The following VWA5B1 variants were observed in gnomAD, a reference collection of about 807,000 sequenced individuals.
VWA5B1 encodes the protein von Willebrand factor A domain-containing protein 5B1.
In VWA5B1, 115 loss-of-function variants were observed where a neutral mutation model predicts 118.2. That is an observed-to-expected ratio of 0.97 (90% CI 0.84 to 1.14). The LOEUF is 1.14. Ranked by LOEUF, VWA5B1 falls within the 50% of genes most tolerant of loss-of-function variation. The pLI, the probability that VWA5B1 is intolerant of heterozygous loss-of-function variation, is 0.00. For missense variants in VWA5B1, 1,596 were observed against 1,603.8 expected (o/e 1.00, Z 0.08); for synonymous variants, 682 against 658.4 (o/e 1.04, Z -0.55).
intron 14 of VWA5B1, among the ~76,000 whole-genome samples, chr1:20,341,125 ACTT>A (rs2089864491): frequency 6.6e-6 from 1 of 152,312 alleles, no homozygotes; most frequent in South Asian, 2.1e-4. Context: ...GAAGAAAGAT[ACTT>A]CTTTATTTTC....
rs1228437514 is a variant in VWA5B1, at chr1:20,343,141, G to GAGTCCCAGGAGCGAGCC, written c.2383_2399dup (p.Ser800ArgfsTer34). 7.1e-6 allele frequency: 11 copies of GAGTCCCAGGAGCGAGCC among 1,546,064 alleles called. No homozygotes were observed. Among genetic ancestry groups the GAGTCCCAGGAGCGAGCC allele is most frequent in the Non-Finnish European group, 8.7e-6 (10 of 1,144,004 alleles). ...GTCCTCGGACTGGGACCCCCCAGCC[G>GAGTCCCAGGAGCGAGCC]AGTCCCAGGAGCGAGCCAGTCCCAG... On this transcript the variant is annotated frameshift_variant, in exon 16 of 22. Transcript: ENST00000289815. LOFTEE classifies it high-confidence loss of function.
chr1:20,357,811 GC>G lies in VWA5B1; in HGVS notation c.*3553del. ...TAGGTACCCTTTGCGCTAACGGCCA[GC>G]CCCCTGAGCTTTCAGGCTCTCATTT... On this transcript the variant is annotated 3_prime_UTR_variant, in exon 22 of 22. Transcript: ENST00000289815. Among the ~76,000 whole-genome samples the G allele has an allele frequency of 6.6e-6, 1 of 152,174 alleles. No homozygotes were observed. Among genetic ancestry groups the G allele is most frequent in the Admixed American group, 6.5e-5 (1 of 15,284 alleles).
intron 16 of VWA5B1, among the ~76,000 whole-genome samples, chr1:20,344,057 C>G (rs1402532661): frequency 1.3e-5 from 2 of 149,366 alleles, no homozygotes; most frequent in African/African-American, 5.0e-5. Context: ...ATCGCCCTTC[C>G]CCTCACACCC....
intron 7 of VWA5B1, 49 bp downstream of exon 7, chr1:20,319,555 G>C (rs137888616): frequency 6.5e-7 from 1 of 1,546,776 alleles, no homozygotes; most frequent in African/African-American, 1.4e-5. Context: ...TTGGGGTGGC[G>C]CTGAGGCCTG....
chr1:20,304,040 T>C (rs930859614), intron 1 of VWA5B1, among the ~76,000 whole-genome samples: 2 of 152,164 alleles, frequency 1.3e-5, no homozygotes, highest in African/African-American at 4.8e-5. Context: ...CACTAGAACC[T>C]GGTAGATGCC....
chr1:20,294,447 C>T (rs542615486), intron 1 of VWA5B1: 1 of 152,090 alleles, frequency 6.6e-6, no homozygotes, highest in Non-Finnish European at 1.5e-5. Flanking sequence ...ATTCCCTTAC[C>T]TGGTGCCTTA....
At chr1:20,332,484 TAAAATAAAATA>T (rs1369734974) in intron 11 of VWA5B1, among the ~76,000 whole-genome samples, 1 of 54,940 alleles carries the variant, frequency 1.8e-5, no homozygotes, top group African/African-American at 1.3e-4. Context: ...TGTCTCAAAA[TAAAATAAAATA>T]AAATAAAATA....
At chr1:20,306,060 G>A (rs971898674) in intron 1 of VWA5B1, among the ~76,000 whole-genome samples, 1 of 152,164 alleles carries the variant, frequency 6.6e-6, no homozygotes, top group South Asian at 2.1e-4. Flanking sequence ...CTTGTGGAAG[G>A]AGGCAGATGA....
At chr1:20,326,686 T>C (rs949407394) in intron 8 of VWA5B1, among the ~76,000 whole-genome samples, 1 of 152,062 alleles carries the variant, frequency 6.6e-6, no homozygotes, top group African/African-American at 2.4e-5. Flanking sequence ...CCTGACCTCA[T>C]GATCTGCCTG....
At chr1:20,333,085 T>C in intron 12 of VWA5B1, 134 bp downstream of exon 12, 1 of 1,145,760 alleles carries the variant, frequency 8.7e-7, no homozygotes, top group Non-Finnish European at 1.2e-6. Flanking sequence ...GTTTACAGTT[T>C]TCCCAGTTGT....
Position 20,317,537 on chromosome 1 carries a change from A to T in VWA5B1, c.571A>T (p.Arg191Trp). The stretch of plus-strand genomic sequence containing the variant: ...CCCCCGGCCCTTTTCCAGCAAAGAC[A>T]GGCACTGCTTCGGTGCCTGGGCCCC... ...TSNQQAQGKD[R>W]HCFGAWAPGS... The change falls in exon 5 of 22, where the codon AGG becomes TGG. Residue 191 changes from arginine (R) to tryptophan (W), a missense_variant. Coordinates refer to ENST00000289815, the MANE Select transcript of VWA5B1 (RefSeq NM_001039500.3). The T allele has an allele frequency of 1.3e-6, 2 of 1,551,532 alleles. No homozygotes were observed. The highest frequency in any genetic ancestry group is 1.7e-6 in the Non-Finnish European group (2 of 1,146,934).
intron 7 of VWA5B1, among the ~76,000 whole-genome samples, chr1:20,321,828 G>A (rs1001403718): frequency 2.6e-5 from 4 of 152,128 alleles, no homozygotes; most frequent in African/African-American, 7.2e-5. Flanking sequence ...AGGTCAGTGC[G>A]GCTGAAATAT....
intron 1 of VWA5B1, among the ~76,000 whole-genome samples, chr1:20,302,818 C>T (rs1415601597): frequency 6.6e-6 from 1 of 152,038 alleles, no homozygotes; most frequent in Non-Finnish European, 1.5e-5. Context: ...GACAGCATTC[C>T]TGGCAAAGCC....
At chr1:20,300,755 G>A (rs2088487448) in intron 1 of VWA5B1, among the ~76,000 whole-genome samples, 1 of 152,204 alleles carries the variant, frequency 6.6e-6, no homozygotes. Flanking sequence ...TTTGAAAACT[G>A]TTTTAGGCAC....
In VWA5B1 at chr1:20,317,561, C is replaced by A; in HGVS notation, c.595C>A (p.Pro199Thr). ...CAGGCACTGCTTCGGTGCCTGGGCC[C>A]CGGGCTCCTGGAATAAGTTGTGCCT... ...KDRHCFGAWA[P>T]GSWNKLCLAT... is the part of the protein sequence containing the mutation. The change falls in exon 5 of 22, where the codon CCG (proline) becomes ACG (threonine). Residue 199 changes from proline to threonine, a missense_variant. Transcript: ENST00000289815. 1 of 1,551,738 alleles carries A rather than the reference C, an allele frequency of 6.4e-7. No homozygotes were observed. Among genetic ancestry groups the A allele is most frequent in the Non-Finnish European group, 8.7e-7 (1 of 1,147,000 alleles).
intron 7 of VWA5B1, 62 bp from the exon 8 acceptor site, chr1:20,323,294 T>C: frequency 7.5e-7 from 1 of 1,325,582 alleles, no homozygotes; most frequent in Non-Finnish European, 9.8e-7. Context: ...GGGACCAGCA[T>C]GAGTCCCCAG....
At chr1:20,332,987 C>G in intron 12 of VWA5B1, 36 bp downstream of exon 12, 1 of 1,544,098 alleles carries the variant, frequency 6.5e-7, no homozygotes, top group Non-Finnish European at 8.8e-7. Flanking sequence ...TCCGTGTGGG[C>G]CCAGAACCCA....
At chr1:20,350,820 C>T in intron 19 of VWA5B1, 37 bp from the exon 20 acceptor site, 1 of 1,546,570 alleles carries the variant, frequency 6.5e-7, no homozygotes, top group Non-Finnish European at 8.8e-7. Context: ...ACGGGGTCAT[C>T]TTCAGGTCTC....
chr1:20,310,492 T>C, intron 1 of VWA5B1, 84 bp from the exon 2 acceptor site: 6 of 1,307,858 alleles, frequency 4.6e-6, no homozygotes, highest in Non-Finnish European at 2.0e-6. Flanking sequence ...CTCTGATTGC[T>C]TGAGGGTGTC....
Sources: allele counts gnomAD v4.1 joint callset (sites outside exome capture counted in the v4.1 genomes callset), GRCh38; gene constraint gnomAD v4.1.1; transcripts MANE v1.5; gene names NCBI Gene and HGNC (gene_info 2026-07-23, HGNC 2026-07-21).